The following NPAS2 variants were observed in gnomAD, a reference collection of about 807,000 sequenced individuals.
NPAS2 encodes neuronal PAS domain-containing protein 2.
A neutral mutation model predicts 107.5 loss-of-function variants in NPAS2; 23 were observed. That is an observed-to-expected ratio of 0.21 (90% CI 0.15 to 0.30). The LOEUF (loss-of-function observed/expected upper bound fraction) is 0.30. Among genes scored for constraint, NPAS2 ranks in the 10% least tolerant of loss-of-function variants. NPAS2 has a pLI of 1.00. For missense variants in NPAS2, 756 were observed against 1,043.3 expected (o/e 0.72, Z 3.79); for synonymous variants, 403 against 417.5 (o/e 0.97, Z 0.42).
chr2:100,821,065 C>T, intron 1 of NPAS2: 1 of 1,304,194 alleles, frequency 7.7e-7, no homozygotes, highest in Non-Finnish European at 1.0e-6. Context: ...GTGCCCCTTT[C>T]CCAGCCGAGG....
Position 100,933,072 on chromosome 2 carries a change from C to T in NPAS2, c.273+71C>T, listed in dbSNP as rs1185285895. 10 of 1,151,950 alleles carry T rather than the reference C, an allele frequency of 8.7e-6. No individual in the cohort carries two copies. The Admixed American group carries it at 1.6e-4, about 18-fold the overall frequency. The allele number at this position is 1,151,950 out of a possible 1,614,324, so 71.4% of individuals were successfully genotyped here. Reference sequence around the variant, plus strand: ...GTAGCTACTTGTTGCAGATAAGTCCCTGTACCCAAAGGAAACTACTGTTCT... The same window carrying T: ...GTAGCTACTTGTTGCAGATAAGTCCTTGTACCCAAAGGAAACTACTGTTCT... On this transcript the variant is annotated intron_variant, in intron 4 of 20. Transcript: ENST00000335681.
intron 1 of NPAS2, among the ~76,000 whole-genome samples, chr2:100,870,473 G>T (rs1022410499): frequency 1.2e-4 from 18 of 151,836 alleles, no homozygotes; most frequent in African/African-American, 4.4e-4. Context: ...TTGGCTCACT[G>T]CAACCTCTGC....
At chr2:100,958,137 C>T (rs982819000) in intron 7 of NPAS2, among the ~76,000 whole-genome samples, 1 of 152,220 alleles carries the variant, frequency 6.6e-6, no homozygotes, top group Non-Finnish European at 1.5e-5. Context: ...AAACATTCCA[C>T]TCTGGGCTTT....
chr2:100,858,895 A>T (rs1678753504), intron 1 of NPAS2, among the ~76,000 whole-genome samples: 1 of 152,228 alleles, frequency 6.6e-6, no homozygotes, highest in Admixed American at 6.5e-5. Context: ...CTGCTCAATA[A>T]GATATTTAGT....
In NPAS2 at chr2:100,975,679, G is replaced by T. The variant is rs1160281382; in HGVS notation, c.1392+112G>T. ...AGAGAATCCGTTTTACTTAGGGATT[G>T]AGAGTGTAGGGTGGCAGATGGGGGT... On this transcript the variant is annotated intron_variant, in intron 14 of 20. Coordinates refer to ENST00000335681, the MANE Select transcript of NPAS2 (RefSeq NM_002518.4). 8.2e-6 allele frequency: 6 copies of T among 730,908 alleles called. No homozygotes were observed. In the East Asian group the frequency reaches 1.9e-4, roughly 23 times the overall value. 45.3% of individuals were successfully genotyped at this position (730,908 alleles called of 1,614,324 possible). A position where few individuals can be genotyped will look rare whatever the true frequency, so the allele number is the denominator to read the frequency against.
In NPAS2 at chr2:100,990,526, C is replaced by T. The variant is rs192273124; in HGVS notation, c.2018+80C>T. ...TTTCAGCTCTACTTTCTGCTTTAGA[C>T]GGAGGCAGAGTTCAGACAGATTCTA... On this transcript the variant is annotated intron_variant, in intron 18 of 20. Transcript: ENST00000335681. The T allele has an allele frequency of 2.1e-5, 30 of 1,451,344 alleles. No individual in the cohort carries two copies. In the East Asian group the frequency reaches 2.3e-4, roughly 11 times the overall value. 89.9% of individuals were successfully genotyped at this position (1,451,344 alleles called of 1,614,324 possible). A position where few individuals can be genotyped will look rare whatever the true frequency, so the allele number is the denominator to read the frequency against.
chr2:100,878,462 A>G, intron 1 of NPAS2: 2 of 985,444 alleles, frequency 2.0e-6, no homozygotes, highest in Non-Finnish European at 1.2e-6. Flanking sequence ...CAAGCTGGAG[A>G]ATAGCTCCCT....
rs1452302400 is a variant in NPAS2 at position 100,873,305 on chromosome 2, TATACACACAC to T, written c.-22-31426_-22-31417del. On this transcript the variant is annotated intron_variant, in intron 1 of 20. Coordinates refer to ENST00000335681, the MANE Select transcript of NPAS2 (RefSeq NM_002518.4). ...ATATATATATATATATATATATATA[TATACACACAC>T]ACACACACACACACACACACACACA... Among the ~76,000 whole-genome samples the T allele has an allele frequency of 4.0e-3, 153 of 38,254 alleles. 1 individual carries two copies. The highest frequency in any genetic ancestry group is 0.029 in the South Asian group (28 of 964). The allele number at this position is 38,254 out of a possible 152,430, so 25.1% of individuals were successfully genotyped here.
intron 17 of NPAS2, 105 bp from the exon 18 acceptor site, chr2:100,990,151 G>T (rs940403139): frequency 1.0e-6 from 1 of 985,128 alleles, no homozygotes; most frequent in South Asian, 1.5e-5. Context: ...CTGATTTAGA[G>T]GAAAGGCAAG....
chr2:100,899,285 G>A (rs1224312956), intron 1 of NPAS2, among the ~76,000 whole-genome samples: 15 of 150,572 alleles, frequency 1.0e-4, no homozygotes, highest in Admixed American at 8.6e-4. Context: ...GTGCAGTGGC[G>A]TGATCACGGT....
chr2:100,867,181 T>C (rs1157070142), intron 1 of NPAS2, among the ~76,000 whole-genome samples: 1 of 152,252 alleles, frequency 6.6e-6, no homozygotes, highest in Non-Finnish European at 1.5e-5. Context: ...TTATTGGGTA[T>C]AATATTCCAT....
intron 1 of NPAS2, among the ~76,000 whole-genome samples, chr2:100,826,538 A>G (rs1348545177): frequency 6.6e-6 from 1 of 152,230 alleles, no homozygotes; most frequent in Non-Finnish European, 1.5e-5. Flanking sequence ...TTAATGACAT[A>G]CCTTTTTCTT....
chr2:100,870,187 C>T (rs1052370559), intron 1 of NPAS2, among the ~76,000 whole-genome samples: 4 of 152,104 alleles, frequency 2.6e-5, no homozygotes, highest in Non-Finnish European at 5.9e-5. Context: ...GCGTGAGCCA[C>T]CGCACCTGGC....
chr2:100,884,428 G>A (rs943452155), intron 1 of NPAS2, among the ~76,000 whole-genome samples: 6 of 152,200 alleles, frequency 3.9e-5, no homozygotes, highest in Non-Finnish European at 7.3e-5. Context: ...GTCTTGTACA[G>A]CTCACTAGCC....
chr2:100,937,445 C>G (rs1358367163), intron 4 of NPAS2, among the ~76,000 whole-genome samples: 1 of 152,154 alleles, frequency 6.6e-6, no homozygotes, highest in Non-Finnish European at 1.5e-5. Flanking sequence ...CTGAATCAGG[C>G]TAATAATATG....
intron 2 of NPAS2, among the ~76,000 whole-genome samples, chr2:100,909,598 T>C (rs1682400754): frequency 6.6e-6 from 1 of 152,224 alleles, no homozygotes; most frequent in African/African-American, 2.4e-5. Context: ...AGTGGGCTGA[T>C]GCTCCCAGCT....
At chr2:100,967,863 C>T (rs1241542676) in intron 10 of NPAS2, among the ~76,000 whole-genome samples, 4 of 152,208 alleles carry the variant, frequency 2.6e-5, no homozygotes, top group African/African-American at 7.2e-5. Context: ...CCACAGAATC[C>T]GTCCAGAGGT....
intron 2 of NPAS2, among the ~76,000 whole-genome samples, chr2:100,906,134 G>T (rs1274907814): frequency 1.3e-5 from 2 of 152,184 alleles, no homozygotes; most frequent in African/African-American, 2.4e-5. Context: ...ATTCAAACAG[G>T]CATCAGTGCA....
chr2:100,866,794 C>T (rs78597251), intron 1 of NPAS2, among the ~76,000 whole-genome samples: 3,246 of 152,296 alleles, frequency 0.021, 64 homozygotes, highest in South Asian at 0.032. Flanking sequence ...AACAAATCAA[C>T]ATTCTCCAAG....
Sources: allele counts gnomAD v4.1 joint callset (sites outside exome capture counted in the v4.1 genomes callset), GRCh38; gene constraint gnomAD v4.1.1; transcripts MANE v1.5; gene names NCBI Gene and HGNC (gene_info 2026-07-23, HGNC 2026-07-21).